NLRP5: variants seen among roughly 807,000 people sequenced by gnomAD.
The protein encoded by NLRP5 is NACHT, LRR and PYD domains-containing protein 5.
A neutral mutation model predicts 113.1 loss-of-function variants in NLRP5; 93 were observed. The ratio of observed to expected loss-of-function variants is 0.82; its 90% confidence interval spans 0.70 to 0.98. NLRP5 has a LOEUF of 0.98. NLRP5 is among the 50% of genes least tolerant of loss of function. The pLI, the probability that NLRP5 is intolerant of heterozygous loss-of-function variation, is 0.00. For missense variants in NLRP5, 1,808 were observed against 1,514.3 expected, an observed-to-expected ratio of 1.19 and a Z score of -3.22; for synonymous variants, 751 against 600.7, an observed-to-expected ratio of 1.25 and a Z score of -3.66.
rs770242431 is a variant in NLRP5 at position 56,061,411 on chromosome 19, G to C, written c.3486G>C (p.Gln1162His). 3.7e-6 allele frequency: 6 copies of C among 1,613,856 alleles called. No homozygotes were observed. The highest frequency in any genetic ancestry group is 1.1e-5 in the South Asian group (1 of 91,078). ...GCCTCCCCAGGCTGTGGAAATGGCA[G>C]TACCCTGTGCAAATAAGGAAGCTGC... Residue 1162 changes from glutamine (Q) to histidine (H), a missense_variant, in exon 15 of 15, where the codon CAG (glutamine) becomes CAC (histidine). Coordinates refer to ENST00000390649, the MANE Select transcript of NLRP5 (RefSeq NM_153447.4).
At position 56,053,664 on chromosome 19, in the gene NLRP5, C is replaced by T. The variant is rs778328871; in HGVS notation, c.3155C>T (p.Ala1052Val). The change falls in exon 13 of 15, where the codon GCG becomes GTG. Residue 1052 changes from alanine (A) to valine (V), a missense_variant. Transcript: ENST00000390649. ...TTGGTAAAGTGTCATCTCACCGCCG[C>T]GTGCTGTGAGAGTCTGTCCTGTGTG... 11 of 1,613,664 alleles carry T rather than the reference C, an allele frequency of 6.8e-6. No homozygotes were observed. The East Asian group carries it at 1.3e-4, about 20-fold the overall frequency.
chr19:56,006,996 C>G lies in NLRP5; in HGVS notation c.443-1792C>G, dbSNP rs184577641. Among the ~76,000 whole-genome samples, 402 of 151,104 alleles carry G rather than the reference C, an allele frequency of 2.7e-3. 21 individuals are homozygous for G. Among genetic ancestry groups the G allele is most frequent in the African/African-American group, 8.0e-3 (325 of 40,760 alleles). Reference sequence around the variant, plus strand: ...CCTTGTGATCCACCCACCTTGGCCTCCCAAAGTTCTGGGATTACAGGTGTG... The same window carrying G: ...CCTTGTGATCCACCCACCTTGGCCTGCCAAAGTTCTGGGATTACAGGTGTG... On this transcript the variant is annotated intron_variant, in intron 2 of 14. Coordinates refer to ENST00000390649, the MANE Select transcript of NLRP5 (RefSeq NM_153447.4).
chr19:56,060,213 C>G (rs1042972815), intron 14 of NLRP5, among the ~76,000 whole-genome samples: 3 of 152,162 alleles, frequency 2.0e-5, no homozygotes, highest in Non-Finnish European at 2.9e-5. Flanking sequence ...GAAGTCAGAC[C>G]TGGATTTACT....
rs745997403 is a variant in NLRP5 at position 56,053,682 on chromosome 19, C to T, written c.3173C>T (p.Ser1058Phe). 2 of 1,613,914 alleles carry T rather than the reference C, an allele frequency of 1.2e-6. No individual in the cohort carries two copies. Among genetic ancestry groups the T allele is most frequent in the Admixed American group, 1.7e-5 (1 of 60,000 alleles). The stretch of plus-strand genomic sequence containing the variant: ...ACCGCCGCGTGCTGTGAGAGTCTGT[C>T]CTGTGTGATCTCGAGGAGCAGACAC... Residue 1058 changes from serine (S) to phenylalanine (F), a missense_variant, in exon 13 of 15, where the codon TCC becomes TTC. By Grantham distance (155) the Ser-to-Phe change is radical. Transcript: ENST00000390649.
chr19:56,000,865 G>T (rs1175349646), intron 1 of NLRP5, among the ~76,000 whole-genome samples: 1 of 151,682 alleles, frequency 6.6e-6, no homozygotes, highest in Non-Finnish European at 1.5e-5. Flanking sequence ...AATTAGCCAG[G>T]CCTGGTGGTG....
rs754695863 is a variant in NLRP5, at chr19:56,027,830, C to T, written c.1597C>T (p.Arg533Cys). 2.1e-5 allele frequency: 34 copies of T among 1,613,866 alleles called. No individual in the cohort carries two copies. Among genetic ancestry groups the T allele is most frequent in the Middle Eastern group, 3.3e-4 (2 of 6,084 alleles). ...AAGAGTTGTCCTGAAGCGCTTCTGC[C>T]GTATGGCTGTGGAGGGAGTGTGGAA... is the stretch of plus-strand genomic sequence containing the variant. The change falls in exon 7 of 15, where the codon CGT (arginine) becomes TGT (cysteine). Residue 533 changes from arginine (R) to cysteine (C), a missense_variant. Arg to Cys is a radical substitution (Grantham distance 180). Coordinates refer to ENST00000390649, the MANE Select transcript of NLRP5 (RefSeq NM_153447.4).
chr19:56,038,677 T>C (rs1209124266), intron 10 of NLRP5, among the ~76,000 whole-genome samples: 1 of 151,896 alleles, frequency 6.6e-6, no homozygotes, highest in African/African-American at 2.4e-5. Flanking sequence ...TCACCCAAAA[T>C]CCCAATCCCA....
chr19:56,005,860 C>T (rs916188782), intron 2 of NLRP5, among the ~76,000 whole-genome samples: 1 of 152,194 alleles, frequency 6.6e-6, no homozygotes, highest in Non-Finnish European at 1.5e-5. Flanking sequence ...CCATCTGACT[C>T]TCAACCCCAC....
chr19:56,027,277 G>A lies in NLRP5; in HGVS notation c.1044G>A (p.Thr348=), dbSNP rs762350545. 4.1e-5 allele frequency: 66 copies of A among 1,611,936 alleles called. No homozygotes were observed. Among genetic ancestry groups the A allele is most frequent in the Admixed American group, 4.0e-4 (24 of 59,968 alleles). Residue 348 remains threonine (T), a synonymous_variant, in exon 7 of 15, where the codon ACG becomes ACA. Transcript: ENST00000390649. ...GGCCAGACTCCCAGGCTCCGGTGAC[G>A]GAGATCATGTCCCGACCAGAAAGGC...
chr19:56,024,420 G>GT lies in NLRP5; in HGVS notation c.680-2491dup, dbSNP rs1555766885. ...CATATATGTACATATATGTATATATGTTATATATACACATATACATATATT... is the reference window on the plus strand; with the variant it reads ...CATATATGTACATATATGTATATATGTTTATATATACACATATACATATATT... On this transcript the variant is annotated intron_variant, in intron 6 of 14. Transcript: ENST00000390649. Among the ~76,000 whole-genome samples, 561 of 116,742 alleles carry GT rather than the reference G, an allele frequency of 4.8e-3. 2 individuals are homozygous for GT. Among genetic ancestry groups the GT allele is most frequent in the African/African-American group, 0.017 (508 of 29,900 alleles). 76.6% of individuals were successfully genotyped at this position (116,742 alleles called of 152,430 possible). A position where few individuals can be genotyped will look rare whatever the true frequency, so the allele number is the denominator to read the frequency against.
the NLRP5 span, among the ~76,000 whole-genome samples, chr19:55,989,752 G>A: frequency 0.093 from 14,169 of 152,186 alleles, 787 homozygotes; most frequent in African/African-American, 0.15. Context: ...TGCAGGGCAC[G>A]TTGGTGCTCA....
chr19:56,024,405 CATATATGT>C (rs1475295838), intron 6 of NLRP5, among the ~76,000 whole-genome samples: 9 of 118,656 alleles, frequency 7.6e-5, no homozygotes, highest in South Asian at 5.5e-4. Context: ...CATATATGTA[CATATATGT>C]ATATATGTTA....
intron 2 of NLRP5, among the ~76,000 whole-genome samples, chr19:56,006,687 G>A (rs556803923): frequency 1.2e-4 from 18 of 151,934 alleles, no homozygotes; most frequent in African/African-American, 2.4e-4. Context: ...AGTCAAGATC[G>A]CGCCACTGCA....
rs1272430674 is a variant in NLRP5, at chr19:56,038,104, C to G, written c.2695C>G (p.Leu899Val). ...TACGACCTCCCCCAGCCTGAAATCT[C>G]TGAGCCTGGCAGGAAACAAGGTGAC... Residue 899 changes from leucine to valine, a missense_variant, in exon 10 of 15, where the codon CTG (leucine) becomes GTG (valine). Leu to Val is a conservative substitution (Grantham distance 32). Coordinates refer to ENST00000390649, the MANE Select transcript of NLRP5 (RefSeq NM_153447.4). 1 of 1,613,960 alleles carries G rather than the reference C, an allele frequency of 6.2e-7. No individual in the cohort carries two copies. The highest frequency in any genetic ancestry group is 2.2e-5 in the East Asian group (1 of 44,874).
the NLRP5 span, among the ~76,000 whole-genome samples, chr19:55,989,462 G>T: frequency 6.6e-6 from 1 of 152,020 alleles, no homozygotes; most frequent in Non-Finnish European, 1.5e-5. Flanking sequence ...CATGTTGGCC[G>T]GGCTGGTCTC....
At chr19:56,028,952 A>G (rs1982986661) in intron 7 of NLRP5, among the ~76,000 whole-genome samples, 1 of 151,986 alleles carries the variant, frequency 6.6e-6, no homozygotes, top group African/African-American at 2.4e-5. Context: ...TTTAGTAGAG[A>G]TGGGATTTCG....
chr19:56,006,779 G>A (rs531379454), intron 2 of NLRP5, among the ~76,000 whole-genome samples: 50 of 151,392 alleles, frequency 3.3e-4, no homozygotes, highest in African/African-American at 1.0e-3. Context: ...TGGCTCTGTC[G>A]CCCAGGCTGG....
intron 7 of NLRP5, among the ~76,000 whole-genome samples, chr19:56,030,714 C>CTTTTTTTTTTTTTGTTTTTTTTTTTTTT (rs1983068545): frequency 1.4e-5 from 1 of 71,350 alleles, no homozygotes; most frequent in African/African-American, 7.2e-5. Flanking sequence ...CTTTCTTCTT[C>CTTTTTTTTTTTTTGTTTTTTTTTTTTTT]TTTTTTTTTT....
the NLRP5 span, chr19:55,987,828 G>A: frequency 8.1e-6 from 13 of 1,613,648 alleles, no homozygotes; most frequent in East Asian, 2.5e-4. Context: ...ATTCCTGCCT[G>A]GACTCGAATA....
Sources: gnomAD v4.1 joint callset for allele counts (sites outside exome capture counted in the v4.1 genomes callset) on GRCh38, gnomAD v4.1.1 for gene constraint, MANE v1.5 for transcripts, NCBI Gene and HGNC (gene_info 2026-07-23, HGNC 2026-07-21) for gene names.